The following SHCBP1 variants were observed in gnomAD, a reference collection of about 807,000 sequenced individuals.
The protein encoded by SHCBP1 is SHC SH2 domain-binding protein 1.
Under a neutral mutation model 75.1 loss-of-function variants are expected in SHCBP1, and 60 were observed. The ratio of observed to expected loss-of-function variants is 0.80; its 90% CI spans 0.65 to 0.99. The LOEUF (loss-of-function observed/expected upper bound fraction) is 0.99, where lower values mean the gene tolerates loss of function less well. Among genes scored for constraint, SHCBP1 ranks in the 50% least tolerant of loss-of-function variants. SHCBP1 has a pLI of 0.00. For synonymous variants in SHCBP1, 290 were observed against 293.2 expected, an observed-to-expected ratio of 0.99 and a Z score of 0.11; for missense variants, 709 against 809.4, an observed-to-expected ratio of 0.88 and a Z score of 1.50.
Position 46,595,645 on chromosome 16 carries a change from C to T in SHCBP1, c.1371G>A (p.Leu457=). The change falls in exon 10 of 13, where the codon CTG becomes CTA. Residue 457 remains leucine, a synonymous_variant. Coordinates refer to ENST00000303383, the MANE Select transcript of SHCBP1 (RefSeq NM_024745.5). ...ILIVHRGKTT[L]ENCVLQCETT... Reference sequence around the variant, plus strand: ...TCTCACACTGCAGCACACAGTTTTCCAGCGTAGTCTTACCACGGTGAACAA... The same window carrying T: ...TCTCACACTGCAGCACACAGTTTTCTAGCGTAGTCTTACCACGGTGAACAA... The T allele has an allele frequency of 6.2e-7, 1 of 1,614,100 alleles. No individual in the cohort carries two copies. Among genetic ancestry groups the T allele is most frequent in the South Asian group, 1.1e-5 (1 of 91,056 alleles).
At chr16:46,612,504 A>G (rs1166623619) in intron 4 of SHCBP1, among the ~76,000 whole-genome samples, 2 of 152,098 alleles carry the variant, frequency 1.3e-5, no homozygotes, top group African/African-American at 4.8e-5. Context: ...GAACTTAAGC[A>G]TGCCTCTACT....
At chr16:46,583,926 C>A (rs1964909912) in intron 11 of SHCBP1, 77 bp downstream of exon 11, 1 of 1,318,620 alleles carries the variant, frequency 7.6e-7, no homozygotes. Context: ...AAATAGAACC[C>A]AACAATTTAA....
intron 10 of SHCBP1, among the ~76,000 whole-genome samples, chr16:46,594,899 C>G (rs1351185705): frequency 6.6e-6 from 1 of 152,184 alleles, no homozygotes; most frequent in Non-Finnish European, 1.5e-5. Context: ...TTGGACTATT[C>G]CTCCACAGTA....
At position 46,581,921 on chromosome 16, in the gene SHCBP1, C is replaced by T. The variant is rs1277866767; in HGVS notation, c.1827G>A (p.Glu609=). The change falls in exon 13 of 13, where the codon GAG becomes GAA. Residue 609 remains glutamate (E), a synonymous_variant. Coordinates refer to ENST00000303383, the MANE Select transcript of SHCBP1 (RefSeq NM_024745.5). ...GTTCATTTACAATTTCACAATTTCC[C>T]TCGACTTGCTCAGAAGGGTCAGTTC... The part of the protein sequence containing the change: ...CARTDPSEQV[E]GNCEIVNELI... 1.9e-6 allele frequency: 3 copies of T among 1,614,118 alleles called. No individual in the cohort carries two copies. The highest frequency in any genetic ancestry group is 2.2e-5 in the East Asian group (1 of 44,870).
chr16:46,606,100 C>G (rs1274388016), intron 5 of SHCBP1, among the ~76,000 whole-genome samples: 1 of 152,136 alleles, frequency 6.6e-6, no homozygotes, highest in Non-Finnish European at 1.5e-5. Flanking sequence ...CTTCCAGTAT[C>G]CATGCCCGTT....
At position 46,599,978 on chromosome 16, in the gene SHCBP1, C is replaced by T; in HGVS notation, c.1214-16G>A. The T allele has an allele frequency of 6.2e-7, 1 of 1,611,282 alleles. No individual in the cohort carries two copies. The highest frequency in any genetic ancestry group is 8.5e-7 in the Non-Finnish European group (1 of 1,179,036). On this transcript the variant is annotated splice_polypyrimidine_tract_variant and intron_variant, in intron 8 of 12. Transcript: ENST00000303383. ...AGGCCATATCCTAAGGAAGAGAGAG[C>T]AACAACACTCAAGATGGGTGAGGAA...
At chr16:46,591,406 G>C (rs1013364921) in intron 10 of SHCBP1, among the ~76,000 whole-genome samples, 6 of 151,874 alleles carry the variant, frequency 4.0e-5, no homozygotes, top group African/African-American at 1.2e-4. Context: ...GTAGACTTTG[G>C]AGCAAAAAAA....
intron 9 of SHCBP1, among the ~76,000 whole-genome samples, chr16:46,599,094 A>G (rs1965188421): frequency 6.6e-6 from 1 of 152,202 alleles, no homozygotes; most frequent in Non-Finnish European, 1.5e-5. Context: ...AACTTTCTCC[A>G]TATTAGCAAT....
At chr16:46,592,333 T>C (rs1354807507) in intron 10 of SHCBP1, among the ~76,000 whole-genome samples, 1 of 152,146 alleles carries the variant, frequency 6.6e-6, no homozygotes, top group Non-Finnish European at 1.5e-5. Context: ...TCTATGCATA[T>C]AAATCTGACA....
At chr16:46,613,876 G>A (rs1241978553) in intron 4 of SHCBP1, among the ~76,000 whole-genome samples, 1 of 152,094 alleles carries the variant, frequency 6.6e-6, no homozygotes, top group Non-Finnish European at 1.5e-5. Flanking sequence ...CTCATAATTT[G>A]ACCTTCACTG....
At chr16:46,613,321 G>A (rs189915129) in intron 4 of SHCBP1, among the ~76,000 whole-genome samples, 78 of 152,204 alleles carry the variant, frequency 5.1e-4, no homozygotes, top group African/African-American at 1.7e-3. Flanking sequence ...GAATAATACC[G>A]TGTTTCCAAA....
intron 4 of SHCBP1, among the ~76,000 whole-genome samples, chr16:46,615,074 T>C (rs1333702995): frequency 6.6e-6 from 1 of 152,144 alleles, no homozygotes; most frequent in Admixed American, 6.5e-5. Flanking sequence ...TTCCTCTTCC[T>C]CCTCTGGTGA....
At chr16:46,618,634 G>A (rs921494308) in intron 1 of SHCBP1, among the ~76,000 whole-genome samples, 3 of 152,154 alleles carry the variant, frequency 2.0e-5, no homozygotes, top group African/African-American at 7.2e-5. Context: ...TTGGGGAGAA[G>A]TAGAAGGCTG....
At chr16:46,586,404 A>C (rs1392964431) in intron 10 of SHCBP1, among the ~76,000 whole-genome samples, 2 of 152,340 alleles carry the variant, frequency 1.3e-5, no homozygotes, top group East Asian at 3.9e-4. Flanking sequence ...AGAACAGTAA[A>C]ATTTACCCAA....
intron 9 of SHCBP1, 131 bp from the exon 10 acceptor site, chr16:46,595,801 A>G: frequency 1.8e-6 from 1 of 562,252 alleles, no homozygotes; most frequent in Non-Finnish European, 3.1e-6. Flanking sequence ...TTCTTACCTA[A>G]ATTACAAATT....
At chr16:46,603,146 A>T (rs1306875929) in intron 8 of SHCBP1, among the ~76,000 whole-genome samples, 5 of 152,240 alleles carry the variant, frequency 3.3e-5, no homozygotes. Context: ...ACATATCTGC[A>T]ACATCTATGA....
chr16:46,587,024 G>T (rs12447101), intron 10 of SHCBP1, among the ~76,000 whole-genome samples: 1 of 152,092 alleles, frequency 6.6e-6, no homozygotes, highest in Non-Finnish European at 1.5e-5. Flanking sequence ...AAAGAACACA[G>T]TAAGCAAAGA....
At chr16:46,588,484 G>A (rs548274551) in intron 10 of SHCBP1, among the ~76,000 whole-genome samples, 1 of 152,202 alleles carries the variant, frequency 6.6e-6, no homozygotes, top group South Asian at 2.1e-4. Context: ...AACTAATAAA[G>A]GGGATATCAC....
chr16:46,609,150 C>G (rs1443440996), intron 4 of SHCBP1, among the ~76,000 whole-genome samples: 4 of 152,090 alleles, frequency 2.6e-5, no homozygotes, highest in African/African-American at 9.7e-5. Context: ...CAGTGGTTCT[C>G]AACCCTCATT....
Sources: gnomAD v4.1 joint callset for allele counts (sites outside exome capture counted in the v4.1 genomes callset) on GRCh38, gnomAD v4.1.1 for gene constraint, MANE v1.5 for transcripts, NCBI Gene and HGNC (gene_info 2026-07-23, HGNC 2026-07-21) for gene names.